ZNF536: variants seen among roughly 807,000 people sequenced by gnomAD.
The protein encoded by ZNF536 is zinc finger protein 536.
Under a neutral mutation model 84.5 loss-of-function variants are expected in ZNF536, and 13 were observed. The observed-to-expected ratio is 0.15, with a 90% CI of 0.10 to 0.24. The LOEUF is 0.24. ZNF536 is among the 10% of genes least tolerant of loss of function. The probability of loss-of-function intolerance (pLI) is 1.00; values close to 1 mark genes in which losing one functional copy is unlikely to be tolerated. For synonymous variants in ZNF536, 811 were observed against 742.5 expected, an observed-to-expected ratio of 1.09 and a Z score of -1.50; for missense variants, 1,536 against 1,747.5, an observed-to-expected ratio of 0.88 and a Z score of 2.16.
intron 1 of ZNF536, among the ~76,000 whole-genome samples, chr19:30,581,213 C>T (rs892309841): frequency 1.3e-5 from 2 of 152,210 alleles, no homozygotes; most frequent in Non-Finnish European, 2.9e-5. Context: ...GACAGTGGCT[C>T]CCGCCTGTAA....
At chr19:30,390,232 A>C (rs931626243) in intron 1 of ZNF536, among the ~76,000 whole-genome samples, 2 of 152,060 alleles carry the variant, frequency 1.3e-5, no homozygotes, top group South Asian at 4.1e-4. Flanking sequence ...TTTTTCCTTT[A>C]CTTTAATCTT....
chr19:30,596,094 G>A (rs960377963), intron 1 of ZNF536, among the ~76,000 whole-genome samples: 11 of 152,274 alleles, frequency 7.2e-5, no homozygotes, highest in South Asian at 2.1e-4. Flanking sequence ...GATCGTCTGC[G>A]GGACATACTG....
chr19:30,402,832 A>C (rs1346110044), intron 1 of ZNF536, among the ~76,000 whole-genome samples: 1 of 74,938 alleles, frequency 1.3e-5, no homozygotes, highest in East Asian at 2.8e-4. Flanking sequence ...TAATTTTCAA[A>C]AATTTGATTT....
intron 2 of ZNF536, among the ~76,000 whole-genome samples, chr19:30,345,587 GAAAAAA>G (rs1235392487): frequency 2.6e-5 from 4 of 152,000 alleles, no homozygotes; most frequent in Admixed American, 2.0e-4. Flanking sequence ...TAGAAGAAAA[GAAAAAA>G]ATGTAGTGAC....
At chr19:30,508,452 C>A (rs2055262910) in intron 2 of ZNF536, among the ~76,000 whole-genome samples, 1 of 152,124 alleles carries the variant, frequency 6.6e-6, no homozygotes. Flanking sequence ...CAGAAAAGGA[C>A]CCCATTCTGC....
chr19:30,483,438 G>A (rs910026046), intron 2 of ZNF536, among the ~76,000 whole-genome samples: 1 of 152,100 alleles, frequency 6.6e-6, no homozygotes, highest in African/African-American at 2.4e-5. Context: ...CCGAATGGGT[G>A]TCTCCTGCCA....
At chr19:30,475,381 T>C (rs2053803581) in intron 2 of ZNF536, among the ~76,000 whole-genome samples, 1 of 152,158 alleles carries the variant, frequency 6.6e-6, no homozygotes, top group Non-Finnish European at 1.5e-5. Flanking sequence ...AGAGGGAGGA[T>C]TCTTTGAGAC....
chr19:30,247,055 G>T (rs929534255), intron 1 of ZNF536, among the ~76,000 whole-genome samples: 5 of 152,180 alleles, frequency 3.3e-5, no homozygotes, highest in Non-Finnish European at 7.3e-5. Flanking sequence ...CTTTCCGCTG[G>T]GGTTTGGGCA....
At chr19:30,692,096 C>T (rs1162213746) in intron 1 of ZNF536, among the ~76,000 whole-genome samples, 1 of 152,222 alleles carries the variant, frequency 6.6e-6, no homozygotes, top group Non-Finnish European at 1.5e-5. Flanking sequence ...ATGAAATAGA[C>T]GAACTTGCTC....
chr19:30,244,804 G>A (rs1055709905), intron 1 of ZNF536, among the ~76,000 whole-genome samples: 4 of 152,226 alleles, frequency 2.6e-5, no homozygotes, highest in Admixed American at 6.5e-5. Context: ...GTTGCAAGGA[G>A]GGCAGCATTT....
downstream of ZNF536, among the ~76,000 whole-genome samples, chr19:30,561,792 A>G (rs1201676299): frequency 6.6e-6 from 1 of 151,992 alleles, no homozygotes; most frequent in East Asian, 1.9e-4. Context: ...CATTCTTCCC[A>G]TAGTGAGAGA....
At chr19:30,442,636 A>G (rs960402067) in intron 1 of ZNF536, among the ~76,000 whole-genome samples, 5 of 152,288 alleles carry the variant, frequency 3.3e-5, no homozygotes, top group African/African-American at 1.2e-4. Context: ...AATTTGAACA[A>G]CTTCAACAAT....
intron 2 of ZNF536, among the ~76,000 whole-genome samples, chr19:30,336,121 G>A (rs1394572629): frequency 6.6e-6 from 1 of 152,226 alleles, no homozygotes; most frequent in African/African-American, 2.4e-5. Flanking sequence ...TGCCTACTGA[G>A]CGCAGACTGT....
chr19:30,658,512 C>A (rs936185351), intron 1 of ZNF536, among the ~76,000 whole-genome samples: 3 of 151,888 alleles, frequency 2.0e-5, no homozygotes, highest in African/African-American at 7.3e-5. Flanking sequence ...GTTCTCAATG[C>A]CTGGAATGAA....
At chr19:30,492,618 G>A (rs1431077672) in intron 2 of ZNF536, among the ~76,000 whole-genome samples, 1 of 152,076 alleles carries the variant, frequency 6.6e-6, no homozygotes, top group East Asian at 1.9e-4. Context: ...GCAGTCAGAG[G>A]CTTAACATTA....
intron 2 of ZNF536, among the ~76,000 whole-genome samples, chr19:30,297,550 T>A (rs969478998): frequency 6.6e-6 from 1 of 152,188 alleles, no homozygotes; most frequent in Non-Finnish European, 1.5e-5. Flanking sequence ...AGGTGTCACC[T>A]ATCAAGGGTG....
At chr19:30,422,255 G>T (rs900027538) in intron 1 of ZNF536, among the ~76,000 whole-genome samples, 2 of 152,112 alleles carry the variant, frequency 1.3e-5, no homozygotes, top group African/African-American at 4.8e-5. Context: ...ACCTCCTGAA[G>T]ACAAGACATA....
At chr19:30,614,964 T>TTTTTTTTTTG (rs1491197789) in intron 1 of ZNF536, among the ~76,000 whole-genome samples, 1 of 98,888 alleles carries the variant, frequency 1.0e-5, no homozygotes, top group Admixed American at 1.1e-4. Context: ...TTTTTTTTTT[T>TTTTTTTTTTG]GAGGCGGAGT....
intron 1 of ZNF536, among the ~76,000 whole-genome samples, chr19:30,664,885 C>T (rs913329103): frequency 2.6e-5 from 4 of 152,256 alleles, no homozygotes; most frequent in East Asian, 1.9e-4. Context: ...TTCTTTAGCC[C>T]GGCAACTTTT....
Sources: allele counts gnomAD v4.1 joint callset (sites outside exome capture counted in the v4.1 genomes callset), GRCh38; gene constraint gnomAD v4.1.1; transcripts MANE v1.5; gene names NCBI Gene and HGNC (gene_info 2026-07-23, HGNC 2026-07-21).